SEMA3A: variants seen among roughly 807,000 people sequenced by gnomAD.
The protein encoded by SEMA3A is semaphorin-3A.
A neutral mutation model predicts 97.9 loss-of-function variants in SEMA3A; 29 were observed. That is an observed-to-expected ratio of 0.30 (90% CI 0.22 to 0.40). The LOEUF (loss-of-function observed/expected upper bound fraction) is 0.40, where lower values mean the gene tolerates loss of function less well. Among genes scored for constraint, SEMA3A ranks in the 10% least tolerant of loss-of-function variants. SEMA3A has a pLI of 1.00. For synonymous variants in SEMA3A, 321 were observed against 323.7 expected (o/e 0.99, Z 0.09); for missense variants, 763 against 951.3 (o/e 0.80, Z 2.60).
chr7:84,075,976 A>G (rs891303121), intron 4 of SEMA3A, among the ~76,000 whole-genome samples: 23 of 152,192 alleles, frequency 1.5e-4, no homozygotes, highest in African/African-American at 5.3e-4. Context: ...ATATTCTAAA[A>G]CAAGTTTTAA....
At chr7:84,306,289 G>A (rs1801152914) in intron 3 of SEMA3A, 1 of 151,590 alleles carries the variant, frequency 6.6e-6, no homozygotes, top group Admixed American at 6.6e-5. Flanking sequence ...CACATTAAAT[G>A]GGGATAATCA....
chr7:84,166,160 C>T (rs1212540509), intron 1 of SEMA3A, among the ~76,000 whole-genome samples: 3 of 151,810 alleles, frequency 2.0e-5, no homozygotes, highest in Non-Finnish European at 2.9e-5. Flanking sequence ...CCTGTAGTCT[C>T]AGATTCTGGG....
chr7:84,172,514 T>C (rs754603894), intron 1 of SEMA3A, among the ~76,000 whole-genome samples: 18 of 152,182 alleles, frequency 1.2e-4, no homozygotes, highest in South Asian at 4.1e-4. Flanking sequence ...CTCCGCCTCC[T>C]GGGTTCACGC....
intron 2 of SEMA3A, among the ~76,000 whole-genome samples, chr7:84,321,204 C>G (rs377489802): frequency 4.6e-5 from 7 of 152,292 alleles, no homozygotes; most frequent in Admixed American, 1.3e-4. Context: ...ATGTCATAAT[C>G]ATTAGTTCTC....
intron 2 of SEMA3A, among the ~76,000 whole-genome samples, chr7:84,347,831 CA>C (rs1802339158): frequency 6.6e-6 from 1 of 152,032 alleles, no homozygotes; most frequent in Non-Finnish European, 1.5e-5. Flanking sequence ...GAGTGGCGAG[CA>C]GTAGCCAGAG....
intron 3 of SEMA3A, among the ~76,000 whole-genome samples, chr7:84,275,893 C>T (rs1343625263): frequency 6.6e-6 from 1 of 151,824 alleles, no homozygotes; most frequent in South Asian, 2.1e-4. Context: ...TTTAGTGTGG[C>T]ATATAGATAC....
intron 14 of SEMA3A, among the ~76,000 whole-genome samples, chr7:83,980,160 G>T (rs1789331999): frequency 6.6e-6 from 1 of 152,094 alleles, no homozygotes. Context: ...AATGTTGAAA[G>T]AGAAAGACAT....
At chr7:84,171,500 C>T (rs1046223221) in intron 1 of SEMA3A, among the ~76,000 whole-genome samples, 22 of 151,976 alleles carry the variant, frequency 1.4e-4, no homozygotes, top group African/African-American at 4.8e-4. Context: ...AGTGTTCTAC[C>T]TTCAAATAAA....
intron 3 of SEMA3A, among the ~76,000 whole-genome samples, chr7:84,255,443 C>T (rs1241924090): frequency 2.6e-5 from 4 of 152,116 alleles, no homozygotes; most frequent in Non-Finnish European, 4.4e-5. Flanking sequence ...AACCTTGACC[C>T]CTTCACAAAG....
chr7:84,345,489 A>T (rs898393836), intron 2 of SEMA3A, among the ~76,000 whole-genome samples: 3 of 152,180 alleles, frequency 2.0e-5, no homozygotes, highest in African/African-American at 7.2e-5. Context: ...ACACAGTAGA[A>T]CTTCTTTCAA....
chr7:84,223,574 T>A (rs542379205), intron 3 of SEMA3A, among the ~76,000 whole-genome samples: 1 of 151,964 alleles, frequency 6.6e-6, no homozygotes, highest in Admixed American at 6.6e-5. Context: ...TGTTTCAAAA[T>A]TCAACTCAAT....
chr7:84,296,044 T>C (rs1278275313), intron 3 of SEMA3A, among the ~76,000 whole-genome samples: 1 of 152,120 alleles, frequency 6.6e-6, no homozygotes, highest in Non-Finnish European at 1.5e-5. Context: ...AAGTTACTAA[T>C]TGAGCAACTA....
chr7:84,489,254 C>G (rs1806658790), intron 1 of SEMA3A: 1 of 152,070 alleles, frequency 6.6e-6, no homozygotes, highest in South Asian at 2.1e-4. Context: ...AGGAGAGCAG[C>G]ATGGGGGAAA....
At chr7:84,051,652 G>A (rs958414782) in intron 5 of SEMA3A, among the ~76,000 whole-genome samples, 5 of 152,136 alleles carry the variant, frequency 3.3e-5, no homozygotes, top group Admixed American at 3.3e-4. Context: ...CATGTCGTCT[G>A]CAAACAGGGA....
At chr7:84,355,935 T>A (rs1373319344) in intron 2 of SEMA3A, among the ~76,000 whole-genome samples, 1 of 133,880 alleles carries the variant, frequency 7.5e-6, no homozygotes, top group East Asian at 2.3e-4. Context: ...TTCATAATGC[T>A]ATTTTTGGAA....
chr7:84,210,919 T>G (rs2116318120), intron 3 of SEMA3A, among the ~76,000 whole-genome samples: 1 of 148,576 alleles, frequency 6.7e-6, no homozygotes, highest in South Asian at 2.3e-4. Context: ...GCAAATAATA[T>G]TTTTTTTTAA....
intron 1 of SEMA3A, among the ~76,000 whole-genome samples, chr7:84,386,614 T>G (rs1461063601): frequency 1.1e-4 from 17 of 152,190 alleles, no homozygotes; most frequent in Admixed American, 1.1e-3. Flanking sequence ...TGCCTAAATC[T>G]TTGTAAGAAT....
rs1280832818 is a variant in SEMA3A, at chr7:84,272,213, TTTAGAATCTATGAAAAAAGAG to T, written c.-83+34973_-83+34993del. 7.9e-5 allele frequency among the ~76,000 whole-genome samples: 12 copies of T among 152,012 alleles called. No individual in the cohort carries two copies. In the East Asian group the frequency reaches 2.3e-3, roughly 29 times the overall value. On this transcript the variant is annotated intron_variant, in intron 3 of 3. Transcript: ENST00000424555. The stretch of plus-strand genomic sequence containing the variant: ...GGAAAAGATTGAAAAACAAAGAAAA[TTTAGAATCTATGAAAAAAGAG>T]CAAGATATATTGGGAACTGGGGTAA...
intron 5 of SEMA3A, among the ~76,000 whole-genome samples, chr7:84,055,677 C>A (rs958625771): frequency 1.3e-5 from 2 of 152,202 alleles, no homozygotes; most frequent in Non-Finnish European, 2.9e-5. Context: ...GCGTTGCTCA[C>A]GCTCGGAGCT....
Sources: allele counts gnomAD v4.1 joint callset (sites outside exome capture counted in the v4.1 genomes callset), GRCh38; gene constraint gnomAD v4.1.1; transcripts MANE v1.5; gene names NCBI Gene and HGNC (gene_info 2026-07-23, HGNC 2026-07-21).